FBN2: variants seen among roughly 807,000 people sequenced by gnomAD.
The protein encoded by FBN2 is fibrillin-2.
Under a neutral mutation model 355.6 loss-of-function variants are expected in FBN2, and 105 were observed. The observed-to-expected ratio is 0.30, with a 90% CI of 0.25 to 0.35. The LOEUF (loss-of-function observed/expected upper bound fraction) is 0.35. Ranked by LOEUF, FBN2 falls within the 10% of genes least tolerant of loss-of-function variation. FBN2 has a pLI of 1.00. For synonymous variants in FBN2, 1,350 were observed against 1,301.2 expected (o/e 1.04, Z -0.81); for missense variants, 3,280 against 3,758.7 (o/e 0.87, Z 3.33).
At chr5:128,444,440 A>G (rs566503860) in intron 7 of FBN2, among the ~76,000 whole-genome samples, 2 of 152,356 alleles carry the variant, frequency 1.3e-5, no homozygotes, top group East Asian at 3.9e-4. Flanking sequence ...TTTAAGAAAT[A>G]TTTAAATAAA....
At chr5:128,417,869 T>C (rs1431321680) in intron 7 of FBN2, among the ~76,000 whole-genome samples, 1 of 152,146 alleles carries the variant, frequency 6.6e-6, no homozygotes, top group Non-Finnish European at 1.5e-5. Flanking sequence ...TACTTTCCTT[T>C]TCAATTTTTG....
chr5:128,440,209 A>T (rs981108181), intron 7 of FBN2, among the ~76,000 whole-genome samples: 1 of 152,238 alleles, frequency 6.6e-6, no homozygotes, highest in African/African-American at 2.4e-5. Context: ...TAGGAATAGT[A>T]AAGTACACTC....
At chr5:128,268,014 C>T (rs1765161240) in intron 62 of FBN2, among the ~76,000 whole-genome samples, 1 of 152,002 alleles carries the variant, frequency 6.6e-6, no homozygotes, top group Non-Finnish European at 1.5e-5. Context: ...TAACAGACGA[C>T]AAGAAATAAC....
In FBN2 at chr5:128,377,836, C is replaced by T. The variant is rs1057523294; in HGVS notation, c.1765G>A (p.Gly589Ser). 23 of 1,613,286 alleles carry T rather than the reference C, an allele frequency of 1.4e-5. No individual in the cohort carries two copies. Among genetic ancestry groups the T allele is most frequent in the African/African-American group, 2.7e-5 (2 of 74,840 alleles). ...CIQNGVLCKNGRCVNTDGSFQ... is the reference protein window; with the variant it reads ...CIQNGVLCKNSRCVNTDGSFQ... The stretch of plus-strand genomic sequence containing the variant: ...CTTCCATCTGTGTTCACGCATCGAC[C>T]GTTTTTACAAAGAACCCCATTCTGG... Residue 589 changes from glycine (G) to serine (S), a missense_variant, in exon 13 of 65, where the codon GGT (glycine) becomes AGT (serine). Physicochemically the swap from Gly to Ser is moderately conservative, Grantham distance 56. Coordinates refer to ENST00000262464, the MANE Select transcript of FBN2 (RefSeq NM_001999.4).
At chr5:128,499,105 A>G (rs1755735719) in intron 5 of FBN2, among the ~76,000 whole-genome samples, 2 of 152,172 alleles carry the variant, frequency 1.3e-5, no homozygotes, top group Non-Finnish European at 2.9e-5. Flanking sequence ...AGTATGAGAG[A>G]TGGAGAAAAC....
chr5:128,507,923 T>C (rs1000936423), intron 5 of FBN2, among the ~76,000 whole-genome samples: 1 of 152,042 alleles, frequency 6.6e-6, no homozygotes, highest in African/African-American at 2.4e-5. Flanking sequence ...CAGTTCTGTT[T>C]TTATTTCATG....
In FBN2 at chr5:128,318,967, G is replaced by T. The variant is rs1750289853; in HGVS notation, c.4506C>A (p.Val1502=). 6.2e-7 allele frequency: 1 copy of T among 1,609,484 alleles called. No homozygotes were observed. Among genetic ancestry groups the T allele is most frequent in the African/African-American group, 1.3e-5 (1 of 74,776 alleles). ...CAGGCAGGTTATTACATGTTCCAAA[G>T]ACACAAATGTTTTGGAAGGAGCATT... The part of the protein sequence containing the change: ...IDECSFQNIC[V]FGTCNNLPGM... Residue 1502 remains valine, a synonymous_variant, in exon 35 of 65, where the codon GTC becomes GTA. Transcript: ENST00000262464.
intron 7 of FBN2, among the ~76,000 whole-genome samples, chr5:128,410,147 A>C (rs1475490289): frequency 6.6e-6 from 1 of 152,234 alleles, no homozygotes; most frequent in African/African-American, 2.4e-5. Flanking sequence ...CAATTTCCCA[A>C]GAGAGATCAG....
At chr5:128,288,644 A>AT in intron 52 of FBN2, 87 bp from the exon 53 acceptor site, 2 of 1,482,370 alleles carry the variant, frequency 1.3e-6, no homozygotes, top group Non-Finnish European at 1.9e-6. Flanking sequence ...GCCCTCACCC[A>AT]TTTCCAGGAT....
chr5:128,299,508 G>A (rs930171021), intron 48 of FBN2, among the ~76,000 whole-genome samples: 22 of 151,644 alleles, frequency 1.5e-4, no homozygotes, highest in African/African-American at 5.1e-4. Context: ...AGCCATGTGC[G>A]GGATATAATC....
Position 128,300,891 on chromosome 5 carries a change from G to A in FBN2, c.6092C>T (p.Thr2031Ile). ...VALPGSCSPGTCQNLEGSFRC... is the reference protein window; with the variant it reads ...VALPGSCSPGICQNLEGSFRC... ...GAAGGATCCCTCCAAATTCTGACAG[G>A]TACCAGGAGAGCAAGAGCCGGGAAG... is the stretch of plus-strand genomic sequence containing the variant. Residue 2031 changes from threonine (T) to isoleucine (I), a missense_variant, in exon 48 of 65, where the codon ACC becomes ATC. By Grantham distance (89) the Thr-to-Ile change is moderately conservative. This residue lies in a region of FBN2 where 2,284 missense variants were observed against 2,749.5 expected (regional missense o/e 0.83). Coordinates refer to ENST00000262464, the MANE Select transcript of FBN2 (RefSeq NM_001999.4). The A allele has an allele frequency of 6.2e-7, 1 of 1,613,664 alleles. No homozygotes were observed. Among genetic ancestry groups the A allele is most frequent in the African/African-American group, 1.3e-5 (1 of 75,006 alleles).
chr5:128,453,049 G>T (rs1274861129), intron 6 of FBN2, among the ~76,000 whole-genome samples: 1 of 152,070 alleles, frequency 6.6e-6, no homozygotes, highest in Admixed American at 6.5e-5. Context: ...TTTCTATTTG[G>T]AATCTGAAAC....
At chr5:128,474,482 C>G (rs1397129513) in intron 5 of FBN2, among the ~76,000 whole-genome samples, 1 of 152,086 alleles carries the variant, frequency 6.6e-6, no homozygotes, top group Non-Finnish European at 1.5e-5. Context: ...TCAATAAAGT[C>G]AGAAATAGAA....
chr5:128,443,885 T>C (rs1753990247), intron 7 of FBN2, among the ~76,000 whole-genome samples: 1 of 152,128 alleles, frequency 6.6e-6, no homozygotes, highest in South Asian at 2.1e-4. Context: ...TATTTTTATT[T>C]AGAGCAAACA....
chr5:128,298,409 C>A (rs1424367721), intron 48 of FBN2, among the ~76,000 whole-genome samples: 2 of 152,180 alleles, frequency 1.3e-5, no homozygotes, highest in African/African-American at 4.8e-5. Context: ...GGAAGTTCTC[C>A]TGGATAACAT....
intron 51 of FBN2, 47 bp downstream of exon 51, chr5:128,289,835 C>A (rs755642744): frequency 1.9e-6 from 2 of 1,041,046 alleles, no homozygotes; most frequent in Non-Finnish European, 3.0e-6. Context: ...TAAAATAATA[C>A]GTGTGTATTA....
At chr5:128,293,191 T>C (rs989672414) in intron 48 of FBN2, among the ~76,000 whole-genome samples, 2 of 152,212 alleles carry the variant, frequency 1.3e-5, no homozygotes, top group Non-Finnish European at 2.9e-5. Context: ...GAAAAGATAC[T>C]AGTCTGAAGA....
chr5:128,368,927 A>G (rs1277258637), intron 16 of FBN2, among the ~76,000 whole-genome samples: 1 of 151,824 alleles, frequency 6.6e-6, no homozygotes, highest in African/African-American at 2.4e-5. Context: ...TGCTGGGATT[A>G]CAGGTGTGAG....
rs769153541 is a variant in FBN2, at chr5:128,345,455, C to T, written c.3119G>A (p.Cys1040Tyr). ...GTATTCCTTGGTGCCAGGTTTGGGG[C>T]ACTCCTCACACTCGGTGCCCCAAGC... ...GAAWGTECEE[C>Y]PKPGTKEYET... Residue 1040 changes from cysteine to tyrosine, a missense_variant, in exon 24 of 65, where the codon TGC becomes TAC. Cys to Tyr is a radical substitution (Grantham distance 194). Around this residue, in one of 6 missense-constraint regions of FBN2, gnomAD observed 2,284 missense variants for 2,749.5 expected, o/e 0.83. Coordinates refer to ENST00000262464, the MANE Select transcript of FBN2 (RefSeq NM_001999.4). 1 of 1,614,144 alleles carries T rather than the reference C, an allele frequency of 6.2e-7. No homozygotes were observed. The highest frequency in any genetic ancestry group is 1.1e-5 in the South Asian group (1 of 91,068).
Sources: gnomAD v4.1 joint callset for allele counts (sites outside exome capture counted in the v4.1 genomes callset) on GRCh38, gnomAD v4.1.1 for gene constraint, gnomAD v4.1.1 regional missense constraint, MANE v1.5 for transcripts, NCBI Gene and HGNC (gene_info 2026-07-23, HGNC 2026-07-21) for gene names.